The following KIAA1549 variants were observed in gnomAD, a reference collection of about 807,000 sequenced individuals.
KIAA1549 encodes the protein KIAA1549.
Under a neutral mutation model 156.4 loss-of-function variants are expected in KIAA1549, and 70 were observed. The observed-to-expected ratio is 0.45, with a 90% CI of 0.37 to 0.55. The LOEUF (loss-of-function observed/expected upper bound fraction) is 0.55, where lower values mean the gene tolerates loss of function less well. Among genes scored for constraint, KIAA1549 ranks in the 20% least tolerant of loss-of-function variants. KIAA1549 has a pLI of 0.00. For missense variants in KIAA1549, 2,428 were observed against 2,540.9 expected, an observed-to-expected ratio of 0.96 and a Z score of 0.96; for synonymous variants, 1,103 against 1,066.4, an observed-to-expected ratio of 1.03 and a Z score of -0.67.
rs73468175 is a variant in KIAA1549 at position 138,873,356 on chromosome 7, G to A, written c.4346-1994C>T. On this transcript the variant is annotated intron_variant, in intron 12 of 19. Coordinates refer to ENST00000422774, the MANE Select transcript of KIAA1549 (RefSeq NM_001164665.2). ...GGAACCTGACTATTTGTGCATTTGT[G>A]CAATGGAAGCACAGCCAGGCACCAC... 5.3e-3 allele frequency among the ~76,000 whole-genome samples: 814 copies of A among 152,216 alleles called. 8 individuals are homozygous for A. Among genetic ancestry groups the A allele is most frequent in the African/African-American group, 0.019 (791 of 41,520 alleles).
chr7:138,870,093 C>T (rs1039882759), intron 13 of KIAA1549, among the ~76,000 whole-genome samples: 8 of 152,036 alleles, frequency 5.3e-5, no homozygotes, highest in South Asian at 2.1e-4. Flanking sequence ...TGAAATGATA[C>T]GCCCACATCA....
chr7:138,958,671 C>T (rs1398938378), intron 1 of KIAA1549, among the ~76,000 whole-genome samples: 1 of 152,150 alleles, frequency 6.6e-6, no homozygotes, highest in African/African-American at 2.4e-5. Context: ...CCCACTGTCT[C>T]ACATCAGCTA....
chr7:138,893,804 C>T (rs1294247167), intron 10 of KIAA1549, among the ~76,000 whole-genome samples: 1 of 152,230 alleles, frequency 6.6e-6, no homozygotes, highest in Admixed American at 6.5e-5. Context: ...GGTGCGGTGG[C>T]TCATGCCTGT....
intron 1 of KIAA1549, among the ~76,000 whole-genome samples, chr7:138,979,461 T>C (rs1244341039): frequency 6.6e-6 from 1 of 152,222 alleles, no homozygotes; most frequent in African/African-American, 2.4e-5. Flanking sequence ...AAGCCTTAGT[T>C]TCCTCATCTG....
chr7:138,919,005 T>G lies in KIAA1549; in HGVS notation c.621A>C (p.Glu207Asp), dbSNP rs1812451483. ...SLPMVSLQDE[E>D]VTSGWQNTTR... is the part of the protein sequence containing the mutation. ...TTGTGTTCTGCCAGCCCGATGTCAC[T>G]TCTTCATCTTGTAAAGAAACCATGG... The change falls in exon 2 of 20, where the codon GAA becomes GAC. Residue 207 changes from glutamate (E) to aspartate (D), a missense_variant. By Grantham distance (45) the Glu-to-Asp change is conservative. Around this residue, in one of 5 missense-constraint regions of KIAA1549, gnomAD observed 893 missense variants for 847.9 expected, o/e 1.05. Coordinates refer to ENST00000422774, the MANE Select transcript of KIAA1549 (RefSeq NM_001164665.2). 1 of 1,613,990 alleles carries G rather than the reference T, an allele frequency of 6.2e-7. No individual in the cohort carries two copies.
chr7:138,974,298 T>G (rs1490563821), intron 1 of KIAA1549, among the ~76,000 whole-genome samples: 2 of 151,800 alleles, frequency 1.3e-5, no homozygotes, highest in Non-Finnish European at 2.9e-5. Flanking sequence ...TGGATCTCGG[T>G]GAGGTGGAGG....
At chr7:138,869,111 A>G (rs977963936) in intron 14 of KIAA1549, among the ~76,000 whole-genome samples, 1 of 152,218 alleles carries the variant, frequency 6.6e-6, no homozygotes, top group African/African-American at 2.4e-5. Context: ...GCTGGGTGCC[A>G]GCCTGGGTGG....
rs1024644883 is a variant in KIAA1549, at chr7:138,940,353, T to G, written c.188-20915A>C. Among the ~76,000 whole-genome samples the G allele has an allele frequency of 1.2e-3, 178 of 151,688 alleles. 2 individuals carry two copies. The highest frequency in any genetic ancestry group is 4.2e-3 in the African/African-American group (175 of 41,316). On this transcript the variant is annotated intron_variant, in intron 1 of 19. Transcript: ENST00000422774. ...TACAAAGGACATGAACTCATCATTTTTTATGGCTGCATAGTATTCCATGGT... is the reference window on the plus strand; with the variant it reads ...TACAAAGGACATGAACTCATCATTTGTTATGGCTGCATAGTATTCCATGGT...
At chr7:138,847,633 C>G (rs541600312) in intron 17 of KIAA1549, among the ~76,000 whole-genome samples, 1 of 152,202 alleles carries the variant, frequency 6.6e-6, no homozygotes, top group Non-Finnish European at 1.5e-5. Context: ...CAATGCTGTA[C>G]CATCTTAATC....
chr7:138,976,251 ATT>A (rs1814373952), intron 1 of KIAA1549, among the ~76,000 whole-genome samples: 1 of 151,980 alleles, frequency 6.6e-6, no homozygotes. Flanking sequence ...TAATTTCTGT[ATT>A]TTTAGTAGAG....
At chr7:138,838,402 G>A (rs1218671322) in intron 19 of KIAA1549, among the ~76,000 whole-genome samples, 2 of 152,068 alleles carry the variant, frequency 1.3e-5, no homozygotes, top group Non-Finnish European at 2.9e-5. Context: ...TCTGAGAGCT[G>A]AAGGAGGTTA....
At chr7:138,971,080 G>A (rs1008111225) in intron 1 of KIAA1549, among the ~76,000 whole-genome samples, 3 of 152,138 alleles carry the variant, frequency 2.0e-5, no homozygotes, top group Admixed American at 2.0e-4. Flanking sequence ...GACCGCTGTG[G>A]CCTATCTTCC....
At chr7:138,940,605 G>A (rs1055226338) in intron 1 of KIAA1549, among the ~76,000 whole-genome samples, 1 of 151,976 alleles carries the variant, frequency 6.6e-6, no homozygotes, top group African/African-American at 2.4e-5. Context: ...CTTCCACAAT[G>A]GTTGAACTAG....
chr7:138,961,493 G>A (rs755171385), intron 1 of KIAA1549, among the ~76,000 whole-genome samples: 7 of 152,154 alleles, frequency 4.6e-5, no homozygotes, highest in Non-Finnish European at 7.4e-5. Flanking sequence ...CAGGGACCAC[G>A]GGAGGCTGCT....
At chr7:138,905,122 T>A in intron 6 of KIAA1549, 41 bp from the exon 7 acceptor site, 1 of 1,357,990 alleles carries the variant, frequency 7.4e-7, no homozygotes, top group Non-Finnish European at 1.0e-6. Context: ...AAAATATCTG[T>A]AAAAACAAAG....
intron 1 of KIAA1549, among the ~76,000 whole-genome samples, chr7:138,942,778 C>T (rs976218812): frequency 6.6e-6 from 1 of 152,070 alleles, no homozygotes; most frequent in East Asian, 1.9e-4. Flanking sequence ...GGCATGGTGG[C>T]GGGCACCTGC....
chr7:138,857,363 G>A (rs1474393421), intron 16 of KIAA1549, among the ~76,000 whole-genome samples: 1 of 152,182 alleles, frequency 6.6e-6, no homozygotes, highest in Non-Finnish European at 1.5e-5. Flanking sequence ...GTGCTATTAT[G>A]TGCTGCTGTT....
intron 5 of KIAA1549, 76 bp from the exon 6 acceptor site, chr7:138,907,178 A>G: frequency 8.1e-7 from 1 of 1,228,904 alleles, no homozygotes; most frequent in Non-Finnish European, 1.1e-6. Flanking sequence ...TCTCTCTCAC[A>G]GGTCCTCTCA....
intron 18 of KIAA1549, 64 bp downstream of exon 18, chr7:138,844,253 A>C (rs553617414): frequency 6.3e-7 from 1 of 1,592,748 alleles, no homozygotes; most frequent in African/African-American, 1.3e-5. Context: ...AGACACCTAA[A>C]ATAAAGTTTC....
Sources: allele counts gnomAD v4.1 joint callset (sites outside exome capture counted in the v4.1 genomes callset), GRCh38; gene constraint gnomAD v4.1.1; regional missense constraint gnomAD v4.1.1; transcripts MANE v1.5; gene names NCBI Gene and HGNC (gene_info 2026-07-23, HGNC 2026-07-21).